PLEKHA5: variants seen among roughly 807,000 people sequenced by gnomAD.
PLEKHA5 encodes the protein pleckstrin homology domain-containing family A member 5.
In PLEKHA5, 55 loss-of-function variants were observed where a neutral mutation model predicts 181.9. The ratio of observed to expected loss-of-function variants is 0.30; its 90% CI spans 0.24 to 0.38. The LOEUF is 0.38. Among genes scored for constraint, PLEKHA5 ranks in the 10% least tolerant of loss-of-function variants. The pLI is 1.00. For missense variants in PLEKHA5, 1,432 were observed against 1,549.5 expected (o/e 0.92, Z 1.27); for synonymous variants, 535 against 529.4 (o/e 1.01, Z -0.15).
chr12:19,257,128 T>G (rs2067088148), intron 5 of PLEKHA5, among the ~76,000 whole-genome samples: 1 of 152,178 alleles, frequency 6.6e-6, no homozygotes. Flanking sequence ...TCTATTCATT[T>G]TATATAGCAG....
At chr12:19,244,219 C>T (rs1481212471) in intron 3 of PLEKHA5, among the ~76,000 whole-genome samples, 2 of 151,130 alleles carry the variant, frequency 1.3e-5, no homozygotes, top group East Asian at 3.9e-4. Flanking sequence ...GATGAAATCT[C>T]TTCAATTTTA....
Position 19,130,514 on chromosome 12 carries a change from G to A in PLEKHA5, c.169+384G>A, listed in dbSNP as rs1447812544. 6.6e-6 allele frequency among the ~76,000 whole-genome samples: 1 copy of A among 151,314 alleles called. No individual in the cohort carries two copies. The highest frequency in any genetic ancestry group is 6.6e-5 in the Admixed American group (1 of 15,228). ...CCCGGTGACCCCCAGCTGCCGTCTT[G>A]CCCCCCAGCAATCTTCAGGCAGTCC... On this transcript the variant is annotated intron_variant, in intron 2 of 31. Coordinates refer to ENST00000429027, the MANE Select transcript of PLEKHA5 (RefSeq NM_001256470.2). This position sits in a 1 kb window ranked among gnomAD's most constrained non-coding sequence, Gnocchi z 4.5.
At chr12:19,342,474 T>C (rs2094009960) in intron 21 of PLEKHA5, among the ~76,000 whole-genome samples, 1 of 152,014 alleles carries the variant, frequency 6.6e-6, no homozygotes. Context: ...CTGGCCAACA[T>C]GGTGAAACCC....
Position 19,322,686 on chromosome 12 carries a change from T to TC in PLEKHA5, c.2448+23dup, listed in dbSNP as rs751998919. On this transcript the variant is annotated intron_variant, in intron 20 of 31. Coordinates refer to ENST00000429027, the MANE Select transcript of PLEKHA5 (RefSeq NM_001256470.2). ...CACTGCCGTAAGTAGATTTTTTTTT[T>TC]CCCCTAATAAAAGTAGCTTAAATAT... 5.8e-5 allele frequency: 91 copies of TC among 1,577,578 alleles called. No individual in the cohort carries two copies. Among genetic ancestry groups the TC allele is most frequent in the Non-Finnish European group, 7.2e-5 (83 of 1,155,916 alleles).
chr12:19,198,382 GAT>G (rs2053438213), intron 3 of PLEKHA5, among the ~76,000 whole-genome samples: 1 of 152,090 alleles, frequency 6.6e-6, no homozygotes, highest in Non-Finnish European at 1.5e-5. Context: ...TCTCTATCCG[GAT>G]TTCTTTTCCC....
At chr12:19,172,780 A>G (rs980953714) in intron 3 of PLEKHA5, among the ~76,000 whole-genome samples, 17 of 152,222 alleles carry the variant, frequency 1.1e-4, no homozygotes, top group Admixed American at 1.1e-3. Flanking sequence ...CAAATTGGCT[A>G]CAGTCACATG....
intron 3 of PLEKHA5, among the ~76,000 whole-genome samples, chr12:19,141,398 C>G (rs1260570726): frequency 6.6e-6 from 1 of 152,176 alleles, no homozygotes; most frequent in African/African-American, 2.4e-5. Flanking sequence ...AGCCAAGGCA[C>G]TAACATTGGC....
At chr12:19,304,966 AAAAG>A (rs1165533605) in intron 15 of PLEKHA5, among the ~76,000 whole-genome samples, 3 of 152,074 alleles carry the variant, frequency 2.0e-5, no homozygotes, top group Non-Finnish European at 2.9e-5. Flanking sequence ...AGAAATGAAA[AAAAG>A]AAAGAAGTCT....
At position 19,321,287 on chromosome 12, in the gene PLEKHA5, A is replaced by G. The variant is rs112978285; in HGVS notation, c.2217+663A>G. Among the ~76,000 whole-genome samples, 179 of 150,772 alleles carry G rather than the reference A, an allele frequency of 1.2e-3. 1 individual carries two copies. Among genetic ancestry groups the G allele is most frequent in the African/African-American group, 4.1e-3 (168 of 41,068 alleles). On this transcript the variant is annotated intron_variant, in intron 18 of 31. Transcript: ENST00000429027. ...TTTTAAATTTAGTTTCTTTTAAATC[A>G]TATTTTAGATTGCTGATTTGCCATA...
At chr12:19,210,811 A>C (rs1320960663) in intron 3 of PLEKHA5, among the ~76,000 whole-genome samples, 1 of 152,186 alleles carries the variant, frequency 6.6e-6, no homozygotes, top group Admixed American at 6.5e-5. Context: ...AAGGATGTGA[A>C]TGTTGGGAGA....
chr12:19,373,792 A>C (rs933393840), intron 31 of PLEKHA5: 1 of 152,232 alleles, frequency 6.6e-6, no homozygotes, highest in African/African-American at 2.4e-5. Flanking sequence ...TAGTAGAAAA[A>C]TGTATACATT....
intron 15 of PLEKHA5, among the ~76,000 whole-genome samples, chr12:19,301,689 A>G (rs1013545531): frequency 2.0e-5 from 3 of 152,226 alleles, no homozygotes; most frequent in African/African-American, 7.2e-5. Flanking sequence ...TCTTATGACT[A>G]TATAACAATA....
At chr12:19,286,741 G>A (rs2077285398) in intron 12 of PLEKHA5, among the ~76,000 whole-genome samples, 1 of 152,074 alleles carries the variant, frequency 6.6e-6, no homozygotes, top group Non-Finnish European at 1.5e-5. Flanking sequence ...CGAGGTAGGT[G>A]GATTGCTTGA....
intron 11 of PLEKHA5, among the ~76,000 whole-genome samples, chr12:19,275,644 T>C (rs571869785): frequency 5.1e-4 from 77 of 152,176 alleles, no homozygotes; most frequent in Admixed American, 4.4e-3. Context: ...TGCATACCTG[T>C]AGTACCTACT....
intron 15 of PLEKHA5, among the ~76,000 whole-genome samples, chr12:19,292,364 C>A (rs1018165824): frequency 2.0e-5 from 3 of 151,888 alleles, no homozygotes; most frequent in African/African-American, 4.8e-5. Context: ...CGAGATCATG[C>A]ACCACTGCAC....
intron 15 of PLEKHA5, among the ~76,000 whole-genome samples, chr12:19,292,399 C>G (rs2078679733): frequency 6.6e-6 from 1 of 152,048 alleles, no homozygotes; most frequent in Non-Finnish European, 1.5e-5. Flanking sequence ...CAGCGCAAGA[C>G]TCTGTCTTAA....
chr12:19,220,311 T>C (rs1358393370), intron 3 of PLEKHA5, among the ~76,000 whole-genome samples: 2 of 152,038 alleles, frequency 1.3e-5, no homozygotes, highest in African/African-American at 4.8e-5. Context: ...AAATAGTTGT[T>C]AGCCACATTT....
chr12:19,252,088 T>TAA (rs1370177543), intron 3 of PLEKHA5, among the ~76,000 whole-genome samples: 1 of 152,180 alleles, frequency 6.6e-6, no homozygotes, highest in Non-Finnish European at 1.5e-5. Flanking sequence ...ATTCTACTCT[T>TAA]ACAATAGTCA....
chr12:19,352,157 G>C (rs1235796871), intron 25 of PLEKHA5, among the ~76,000 whole-genome samples: 1 of 151,698 alleles, frequency 6.6e-6, no homozygotes, highest in Non-Finnish European at 1.5e-5. Flanking sequence ...GCTGAGGCAG[G>C]AGGATGGTTT....
Sources: gnomAD v4.1 joint callset for allele counts (sites outside exome capture counted in the v4.1 genomes callset) on GRCh38, gnomAD v4.1.1 for gene constraint, Gnocchi (gnomAD v3.1) non-coding constraint, MANE v1.5 for transcripts, NCBI Gene and HGNC (gene_info 2026-07-23, HGNC 2026-07-21) for gene names.